Variants in SYNE1 observed in about 807,000 individuals in gnomAD.
SYNE1 encodes the protein spectrin repeat containing nuclear envelope protein 1, also known as nesprin-1.
A neutral mutation model predicts 1,111.0 loss-of-function variants in SYNE1; 616 were observed. That is an observed-to-expected ratio of 0.55 (90% CI 0.52 to 0.59). The LOEUF (loss-of-function observed/expected upper bound fraction) is 0.59. SYNE1 is among the 20% of genes least tolerant of loss of function. SYNE1 has a pLI of 0.00. For missense variants in SYNE1, 10,006 were observed against 10,417.0 expected (o/e 0.96, Z 1.72); for synonymous variants, 3,855 against 3,825.8 (o/e 1.01, Z -0.28).
chr6:152,620,577 C>A (rs1197576868), intron 3 of SYNE1, among the ~76,000 whole-genome samples: 1 of 151,964 alleles, frequency 6.6e-6, no homozygotes, highest in Non-Finnish European at 1.5e-5. Flanking sequence ...GTGAGAGGAC[C>A]AAGTTTAATT....
At position 152,628,464 on chromosome 6, in the gene SYNE1, GC is replaced by G. The variant is rs2099690613; in HGVS notation, c.-134del. ...CATAAATGAATTCCAGGCCTTTGCA[GC>G]ACTCAACAAGGAGGCAGCTCTCCCA... On this transcript the variant is annotated 5_prime_UTR_variant, in exon 3 of 146. Transcript: ENST00000367255. The G allele has an allele frequency of 1.1e-6, 1 of 876,534 alleles. No individual in the cohort carries two copies. Among genetic ancestry groups the G allele is most frequent in the Non-Finnish European group, 1.9e-6 (1 of 529,826 alleles). The allele number at this position is 876,534 out of a possible 1,614,324, so 54.3% of individuals were successfully genotyped here.
chr6:152,274,506 T>C (rs2093439917), intron 98 of SYNE1, among the ~76,000 whole-genome samples: 2 of 152,056 alleles, frequency 1.3e-5, no homozygotes, highest in South Asian at 4.2e-4. Context: ...GTCTTTCAAT[T>C]TGGTTACTTT....
intron 121 of SYNE1, among the ~76,000 whole-genome samples, chr6:152,217,551 T>A (rs889264575): frequency 3.9e-5 from 6 of 152,044 alleles, no homozygotes; most frequent in Non-Finnish European, 8.8e-5. Flanking sequence ...AAAAAGGTCA[T>A]TCTGACAGCC....
At chr6:152,603,516 G>A (rs2099601103) in intron 3 of SYNE1, among the ~76,000 whole-genome samples, 1 of 152,052 alleles carries the variant, frequency 6.6e-6, no homozygotes, top group African/African-American at 2.4e-5. Context: ...ATGCAAGTTG[G>A]GGGATGTGGA....
At chr6:152,275,452 G>A (rs1193024911) in intron 98 of SYNE1, among the ~76,000 whole-genome samples, 1 of 152,094 alleles carries the variant, frequency 6.6e-6, no homozygotes, top group Admixed American at 6.6e-5. Flanking sequence ...GATTTGTAAT[G>A]CCACCTAAAA....
At chr6:152,157,473 G>A (rs1314496782) in intron 131 of SYNE1, among the ~76,000 whole-genome samples, 2 of 152,170 alleles carry the variant, frequency 1.3e-5, no homozygotes, top group Non-Finnish European at 2.9e-5. Flanking sequence ...CAAACATACA[G>A]TTAGAGGGAA....
intron 14 of SYNE1, among the ~76,000 whole-genome samples, chr6:152,474,371 A>G (rs2098823625): frequency 6.6e-6 from 1 of 152,178 alleles, no homozygotes; most frequent in South Asian, 2.1e-4. Flanking sequence ...AAACTAGATC[A>G]CAGACCTGTA....
At chr6:152,566,799 C>T (rs377091237) in intron 3 of SYNE1, among the ~76,000 whole-genome samples, 8 of 152,242 alleles carry the variant, frequency 5.3e-5, no homozygotes, top group East Asian at 1.9e-4. Context: ...GGCCTAATCT[C>T]GGGTAGAATA....
chr6:152,137,247 C>A (rs1271903141), intron 140 of SYNE1, among the ~76,000 whole-genome samples: 6 of 152,112 alleles, frequency 3.9e-5, no homozygotes. Flanking sequence ...AAAGAGGAGT[C>A]TTGTAGGAGG....
At chr6:152,634,836 A>G (rs777967137) in intron 2 of SYNE1, among the ~76,000 whole-genome samples, 3 of 152,386 alleles carry the variant, frequency 2.0e-5, no homozygotes, top group Non-Finnish European at 4.4e-5. Flanking sequence ...CACCTTGCCA[A>G]ACATTAGTTC....
In SYNE1 at chr6:152,484,970, T is replaced by C. The variant is rs1466192584; in HGVS notation, c.1050A>G (p.Ser350=). The C allele has an allele frequency of 6.2e-6, 10 of 1,611,120 alleles. No individual in the cohort carries two copies. The highest frequency in any genetic ancestry group is 8.5e-6 in the Non-Finnish European group (10 of 1,179,168). Reference sequence around the variant, plus strand: ...CATATTGAACTCTGAAGTGCTTAAATGACTAAAAGAGGAAAAACAGCAACA... The same window carrying C: ...CATATTGAACTCTGAAGTGCTTAAACGACTAAAAGAGGAAAAACAGCAACA... ...VESNLQDKYQ[S]FKHFRVQYEM... Residue 350 remains serine (S), a splice_region_variant and synonymous_variant, in exon 13 of 146, where the codon TCA becomes TCG. Transcript: ENST00000367255.
chr6:152,132,146 C>A lies in SYNE1; in HGVS notation c.26070G>T (p.Arg8690Ser), dbSNP rs2055908184. The change falls in exon 144 of 146, where the codon AGG (arginine) becomes AGT (serine). Residue 8690 changes from arginine (R) to serine (S), a missense_variant. Arg to Ser is a moderately radical substitution (Grantham distance 110). Coordinates refer to ENST00000367255, the MANE Select transcript of SYNE1 (RefSeq NM_182961.4). The stretch of plus-strand genomic sequence containing the variant: ...CCGTTTTCTGTCTGTTTGGGGTGCT[C>A]CTTCCTGATGTGGGACTCACAGACC... ...TSGSVSPTSGRSTPNRQKTPR... is the reference protein window; with the variant it reads ...TSGSVSPTSGSSTPNRQKTPR... 1 of 1,614,126 alleles carries A rather than the reference C, an allele frequency of 6.2e-7. No individual in the cohort carries two copies. Among genetic ancestry groups the A allele is most frequent in the South Asian group, 1.1e-5 (1 of 91,070 alleles).
chr6:152,327,364 C>T (rs1372021971), intron 78 of SYNE1, among the ~76,000 whole-genome samples: 1 of 151,924 alleles, frequency 6.6e-6, no homozygotes, highest in African/African-American at 2.4e-5. Flanking sequence ...TGGCATTTAC[C>T]AGACCACAGA....
chr6:152,450,987 A>G, intron 26 of SYNE1, 60 bp downstream of exon 26: 1 of 1,611,732 alleles, frequency 6.2e-7, no homozygotes, highest in Non-Finnish European at 8.5e-7. Context: ...TATTAGTAAT[A>G]TCCTTTATGG....
chr6:152,356,170 C>T (rs1342658283), intron 66 of SYNE1, among the ~76,000 whole-genome samples: 1 of 151,668 alleles, frequency 6.6e-6, no homozygotes. Flanking sequence ...GTCTCTGTTG[C>T]AATGACTTAA....
intron 53 of SYNE1, among the ~76,000 whole-genome samples, chr6:152,388,431 C>G (rs1474507473): frequency 6.6e-6 from 1 of 151,956 alleles, no homozygotes; most frequent in African/African-American, 2.4e-5. Flanking sequence ...TATTTTGTTT[C>G]TCTTTCTTTG....
At chr6:152,506,268 A>G (rs1160753688) in intron 8 of SYNE1, among the ~76,000 whole-genome samples, 1 of 152,150 alleles carries the variant, frequency 6.6e-6, no homozygotes, top group Non-Finnish European at 1.5e-5. Flanking sequence ...CAGAGTTGTA[A>G]AGATGATTTT....
chr6:152,606,686 C>T (rs6930228), intron 3 of SYNE1, among the ~76,000 whole-genome samples: 15,162 of 152,088 alleles, frequency 0.1, 869 homozygotes, highest in African/African-American at 0.16. Flanking sequence ...CTGGCTCTGT[C>T]GCCCAGGCTG....
At chr6:152,266,031 C>T (rs1284068932) in intron 100 of SYNE1, among the ~76,000 whole-genome samples, 1 of 151,894 alleles carries the variant, frequency 6.6e-6, no homozygotes, top group Non-Finnish European at 1.5e-5. Context: ...GCCTGGTACC[C>T]AAAGGCTTGA....
Sources: gnomAD v4.1 joint callset for allele counts (sites outside exome capture counted in the v4.1 genomes callset) on GRCh38, gnomAD v4.1.1 for gene constraint, MANE v1.5 for transcripts, NCBI Gene and HGNC (gene_info 2026-07-23, HGNC 2026-07-21) for gene names.